SRP19: variants seen among roughly 807,000 people sequenced by gnomAD.
SRP19 encodes the protein signal recognition particle 19 kDa protein.
SRP19 carries 11 observed loss-of-function variants against 22.4 expected under a neutral mutation model. The ratio of observed to expected loss-of-function variants is 0.49; its 90% CI spans 0.31 to 0.81. SRP19 has a LOEUF of 0.81. SRP19 is among the 40% of genes least tolerant of loss of function. The pLI is 0.05. For synonymous variants in SRP19, 61 were observed against 57.6 expected, an observed-to-expected ratio of 1.06 and a Z score of -0.27; for missense variants, 168 against 175.9, an observed-to-expected ratio of 0.96 and a Z score of 0.25.
chr5:112,863,054 G>A (rs1341692606), intron 2 of SRP19, among the ~76,000 whole-genome samples: 1 of 152,140 alleles, frequency 6.6e-6, no homozygotes, highest in Non-Finnish European at 1.5e-5. Context: ...TAGGTTTGAT[G>A]CAGTGAATTC....
chr5:112,893,101 A>T (rs1285522135), downstream of SRP19: 3 of 712,882 alleles, frequency 4.2e-6, no homozygotes, highest in Non-Finnish European at 6.1e-6. Flanking sequence ...TCTTAAAAAA[A>T]AAAAAAAAAA....
At chr5:112,879,060 A>G (rs1372920313) in intron 4 of SRP19, among the ~76,000 whole-genome samples, 1 of 152,110 alleles carries the variant, frequency 6.6e-6, no homozygotes, top group Non-Finnish European at 1.5e-5. Flanking sequence ...AAATACTTGA[A>G]GGTCATCTAG....
rs1767672646 is a variant in SRP19 at position 112,868,263 on chromosome 5, C to G, written c.*726C>G. On this transcript the variant is annotated 3_prime_UTR_variant, in exon 5 of 5. Coordinates refer to ENST00000505459, the MANE Select transcript of SRP19 (RefSeq NM_003135.3). ...AACAAATGAAATTGGATTGGTGCTCCAGAATTTCAGAGCGGTTTCTGAAAG... is the reference window on the plus strand; with the variant it reads ...AACAAATGAAATTGGATTGGTGCTCGAGAATTTCAGAGCGGTTTCTGAAAG... 8 of 985,382 alleles carry G rather than the reference C, an allele frequency of 8.1e-6. No homozygotes were observed. The highest frequency in any genetic ancestry group is 1.7e-5 in the African/African-American group (1 of 57,244). 61.0% of individuals were successfully genotyped at this position (985,382 alleles called of 1,614,324 possible).
intron 4 of SRP19, chr5:112,878,961 A>T (rs1422871910): frequency 6.9e-7 from 1 of 1,453,340 alleles, no homozygotes; most frequent in Non-Finnish European, 9.5e-7. Context: ...TTCAGGTGCG[A>T]TCATGTTGGG....
intron 4 of SRP19, chr5:112,876,539 T>G (rs1218531203): frequency 2.6e-5 from 4 of 152,218 alleles, no homozygotes; most frequent in African/African-American, 4.8e-5. Context: ...TCCAAATGAT[T>G]GAAGCCTTCA....
At chr5:112,870,514 T>C (rs58865195), downstream of SRP19, among the ~76,000 whole-genome samples, 7,902 of 152,130 alleles carry the variant, frequency 0.052, 508 homozygotes, top group East Asian at 0.16. Context: ...CTGAAAAGAT[T>C]TGTCACAGAA....
rs978132522 is a variant in SRP19 at position 112,869,050 on chromosome 5, G to C, written c.*1513G>C. On this transcript the variant is annotated 3_prime_UTR_variant, in exon 5 of 5. Coordinates refer to ENST00000505459, the MANE Select transcript of SRP19 (RefSeq NM_003135.3). ...TTCTTTGAGAAAGTGGGTGTGTTTG[G>C]CTGTGTAACAAAACAATAAGGGGAT... 3.9e-5 allele frequency: 6 copies of C among 152,124 alleles called. No homozygotes were observed. In the South Asian group the frequency reaches 1.2e-3, roughly 32 times the overall value. The allele number at this position is 152,124 out of a possible 1,614,324, so 9.4% of individuals were successfully genotyped here. A position where few individuals can be genotyped will look rare whatever the true frequency, so the allele number is the denominator to read the frequency against.
downstream of SRP19, among the ~76,000 whole-genome samples, chr5:112,873,014 T>C (rs554712664): frequency 2.0e-5 from 3 of 152,054 alleles, no homozygotes; most frequent in African/African-American, 7.2e-5. Context: ...AGGGAAGTTG[T>C]AGCCATTCTA....
chr5:112,863,354 A>G (rs1181971605), intron 2 of SRP19, among the ~76,000 whole-genome samples: 2 of 152,154 alleles, frequency 1.3e-5, no homozygotes, highest in Non-Finnish European at 2.9e-5. Context: ...TCATTGCTCT[A>G]TAACAGGGTT....
Position 112,886,943 on chromosome 5 carries a change from G to GGC in SRP19, c.302-4660_302-4659insGC, listed in dbSNP as rs768701563. The GGC allele has an allele frequency of 4.0e-5, 46 of 1,161,822 alleles. 1 individual carries two copies. The highest frequency in any genetic ancestry group is 5.4e-5 in the Non-Finnish European group (44 of 819,790). The allele number at this position is 1,161,822 out of a possible 1,614,324, so 72.0% of individuals were successfully genotyped here. ...GGTGGTGATAAGACAAGAAGGCCAG[G>GGC]AAGCCTGTTATTTGAGCCCAGTGTG... On this transcript the variant is annotated intron_variant, in intron 4 of 4. Transcript: ENST00000391338.
At chr5:112,873,200 C>A (rs1446273302), downstream of SRP19, among the ~76,000 whole-genome samples, 2 of 130,928 alleles carry the variant, frequency 1.5e-5, no homozygotes, top group African/African-American at 5.8e-5. Context: ...GATAATTTTT[C>A]TCCTCTTTCT....
intron 2 of SRP19, 151 bp downstream of exon 2, chr5:112,862,734 A>G: frequency 1.5e-6 from 1 of 673,996 alleles, no homozygotes; most frequent in Non-Finnish European, 2.5e-6. Flanking sequence ...TGCGTTCCTC[A>G]GTGTTGGTGA....
intron 4 of SRP19, among the ~76,000 whole-genome samples, chr5:112,875,921 C>T (rs924479114): frequency 2.0e-5 from 3 of 151,710 alleles, no homozygotes; most frequent in Admixed American, 6.6e-5. Flanking sequence ...GCGGCGGGTG[C>T]GTGTAGTCCC....
chr5:112,863,513 A>C (rs949458306), intron 2 of SRP19, among the ~76,000 whole-genome samples: 1 of 152,140 alleles, frequency 6.6e-6, no homozygotes, highest in East Asian at 1.9e-4. Context: ...TAGTTGTGAC[A>C]ATCAAAAATG....
At chr5:112,878,116 A>G (rs1039800731) in intron 4 of SRP19, 4 of 152,404 alleles carry the variant, frequency 2.6e-5, no homozygotes, top group Non-Finnish European at 4.4e-5. Flanking sequence ...TACGGAAACA[A>G]CCAGGCCAAT....
chr5:112,892,960 C>CGGAGCCAGAGCCGCA (rs1768534487), exon 5 of SRP19: 1 of 1,594,742 alleles, frequency 6.3e-7, no homozygotes, highest in Non-Finnish European at 8.6e-7. Flanking sequence ...CCAGGGCCGC[C>CGGAGCCAGAGCCGCA]GGAGCCAGAG....
At chr5:112,883,427 T>C (rs983519233) in intron 4 of SRP19, among the ~76,000 whole-genome samples, 2 of 152,236 alleles carry the variant, frequency 1.3e-5, no homozygotes, top group Non-Finnish European at 2.9e-5. Context: ...AGAAAAACTT[T>C]CTGTTCTTGG....
Position 112,868,431 on chromosome 5 carries a change from A to T in SRP19, c.*894A>T. ...TTGTTTGTTTTTGAGATGGAGTTTC[A>T]CTCTTGTTGCCTAGGCTGGAGTGCA... is the stretch of plus-strand genomic sequence containing the variant. On this transcript the variant is annotated 3_prime_UTR_variant, in exon 5 of 5. Coordinates refer to ENST00000505459, the MANE Select transcript of SRP19 (RefSeq NM_003135.3). 1.0e-6 allele frequency: 1 copy of T among 980,050 alleles called. No homozygotes were observed. Among genetic ancestry groups the T allele is most frequent in the Non-Finnish European group, 1.2e-6 (1 of 823,232 alleles). 60.7% of individuals were successfully genotyped at this position (980,050 alleles called of 1,614,324 possible).
chr5:112,874,718 A>T (rs419155), downstream of SRP19, among the ~76,000 whole-genome samples: 65,702 of 151,508 alleles, frequency 0.43, 16,891 homozygotes, highest in East Asian at 0.66. Context: ...GAGGACAGTA[A>T]TCTTTTTTAA....
Sources: allele counts gnomAD v4.1 joint callset (sites outside exome capture counted in the v4.1 genomes callset), GRCh38; gene constraint gnomAD v4.1.1; transcripts MANE v1.5; gene names NCBI Gene and HGNC (gene_info 2026-07-23, HGNC 2026-07-21).